The following FHDC1 variants were observed in gnomAD, a reference collection of about 807,000 sequenced individuals.
The protein encoded by FHDC1 is FH2 domain containing 1.
FHDC1 carries 25 observed loss-of-function variants against 52.6 expected under a neutral mutation model. The ratio of observed to expected loss-of-function variants is 0.48; its 90% CI spans 0.35 to 0.66. The LOEUF is 0.66. Among genes scored for constraint, FHDC1 ranks in the 30% least tolerant of loss-of-function variants. The pLI, the probability that FHDC1 is intolerant of heterozygous loss-of-function variation, is 0.01. For synonymous variants in FHDC1, 616 were observed against 581.5 expected (o/e 1.06, Z -0.85); for missense variants, 1,459 against 1,452.8 (o/e 1.00, Z -0.07).
the FHDC1 span, among the ~76,000 whole-genome samples, chr4:152,917,985 T>C: frequency 1.3e-5 from 2 of 152,248 alleles, no homozygotes; most frequent in East Asian, 3.8e-4. Flanking sequence ...ATTTTGTGTG[T>C]GTCTATAAGA....
rs1036663015 is a variant in FHDC1, at chr4:152,974,889, C to T, written c.1598C>T (p.Pro533Leu). The T allele has an allele frequency of 2.5e-6, 4 of 1,607,758 alleles. No homozygotes were observed. The highest frequency in any genetic ancestry group is 2.7e-5 in the African/African-American group (2 of 74,802). Reference sequence around the variant, plus strand: ...AGCCCCTCCAGCCCCTCCTACCGGCCCCCGAACACCCGCCGCTCCCGCCTC... The same window carrying T: ...AGCCCCTCCAGCCCCTCCTACCGGCTCCCGAACACCCGCCGCTCCCGCCTC... The part of the protein sequence containing the change: ...PISPSSPSYR[P>L]PNTRRSRLSL... The change falls in exon 12 of 12, where the codon CCC (proline) becomes CTC (leucine). Residue 533 changes from proline to leucine, a missense_variant. Pro to Leu is a moderately conservative substitution (Grantham distance 98). Around this residue, in one of 3 missense-constraint regions of FHDC1, gnomAD observed 939 missense variants for 854.5 expected, o/e 1.10. Coordinates refer to ENST00000511601, the MANE Select transcript of FHDC1 (RefSeq NM_001371116.1).
Position 152,975,256 on chromosome 4 carries a change from G to A in FHDC1, c.1965G>A (p.Leu655=). The A allele has an allele frequency of 6.2e-7, 1 of 1,613,508 alleles. No individual in the cohort carries two copies. The highest frequency in any genetic ancestry group is 8.5e-7 in the Non-Finnish European group (1 of 1,180,048). ...LRKRYSEPVS[L]GSAQSPPLSP... ...AGAGGTACAGTGAGCCGGTGAGCCTGGGCTCAGCACAGTCCCCTCCTCTCT... is the reference window on the plus strand; with the variant it reads ...AGAGGTACAGTGAGCCGGTGAGCCTAGGCTCAGCACAGTCCCCTCCTCTCT... The change falls in exon 12 of 12, where the codon CTG becomes CTA. Residue 655 remains leucine (L), a synonymous_variant. Transcript: ENST00000511601.
At chr4:152,949,124 T>TAAGAAGAAGAAGAAGAAGAAGAAGAAG (rs201070214) in intron 2 of FHDC1, among the ~76,000 whole-genome samples, 2 of 74,700 alleles carry the variant, frequency 2.7e-5, no homozygotes, top group African/African-American at 5.1e-5. Flanking sequence ...ATAATAATAA[T>TAAGAAGAAGAAGAAGAAGAAGAAGAAG]AAGAAGAAGA....
chr4:152,936,802 C>T (rs993711988), intron 1 of FHDC1, among the ~76,000 whole-genome samples: 6 of 152,256 alleles, frequency 3.9e-5, no homozygotes, highest in African/African-American at 1.4e-4. Context: ...CAACCGCCCC[C>T]TAGTTTATCC....
the FHDC1 span, chr4:152,927,546 A>G: frequency 4.8e-6 from 7 of 1,467,112 alleles, no homozygotes; most frequent in Middle Eastern, 1.8e-4. Context: ...GAATGGGAGA[A>G]AGTTCGAAAA....
rs1433016215 is a variant in FHDC1 at position 152,979,297 on chromosome 4, GACCC to G, written c.*2576_*2579del. 6.6e-6 allele frequency: 1 copy of G among 152,284 alleles called. No homozygotes were observed. Among genetic ancestry groups the G allele is most frequent in the East Asian group, 1.9e-4 (1 of 5,192 alleles). 9.4% of individuals were successfully genotyped at this position (152,284 alleles called of 1,614,324 possible). A position where few individuals can be genotyped will look rare whatever the true frequency, so the allele number is the denominator to read the frequency against. On this transcript the variant is annotated 3_prime_UTR_variant, in exon 12 of 12. Transcript: ENST00000511601. ...AGTCCAAGTCAGGTCAATCAGCAAGGACCCATCTCTGCCCTGGGTCAGCTCCTCA... is the reference window on the plus strand; with the variant it reads ...AGTCCAAGTCAGGTCAATCAGCAAGGATCTCTGCCCTGGGTCAGCTCCTCA...
chr4:152,956,958 C>T (rs546425089), intron 4 of FHDC1, among the ~76,000 whole-genome samples: 65 of 152,260 alleles, frequency 4.3e-4, no homozygotes, highest in African/African-American at 1.5e-3. Flanking sequence ...GAGGGGGTCT[C>T]GGGGAAAGCC....
At chr4:152,974,605 T>C in intron 11 of FHDC1, 70 bp from the exon 12 acceptor site, 3 of 1,484,004 alleles carry the variant, frequency 2.0e-6, no homozygotes, top group Non-Finnish European at 1.8e-6. Context: ...GCTCTTAGCG[T>C]AGGTGGCTCT....
chr4:152,975,434 C>T lies in FHDC1; in HGVS notation c.2143C>T (p.Gln715Ter), dbSNP rs780881615. The change falls in exon 12 of 12, where the codon CAG becomes TAG. Residue 715 changes from glutamine to a stop codon, truncating the protein, a stop_gained. Transcript: ENST00000511601. LOFTEE classifies it low-confidence loss of function (END_TRUNC). Reference protein sequence around the residue: ...ELESVGHRGPQSLSASSSSLT... With the variant: ...ELESVGHRGP ...AGAGTCTGTGGGGCATAGGGGCCCG[C>T]AGTCCCTCAGTGCCAGCAGCAGCAG... is the stretch of plus-strand genomic sequence containing the variant. 2 of 1,613,442 alleles carry T rather than the reference C, an allele frequency of 1.2e-6. No homozygotes were observed. The highest frequency in any genetic ancestry group is 2.2e-5 in the South Asian group (2 of 91,084).
At chr4:152,959,720 T>C (rs1740215824) in intron 4 of FHDC1, among the ~76,000 whole-genome samples, 1 of 152,178 alleles carries the variant, frequency 6.6e-6, no homozygotes. Context: ...TTTCATCTTT[T>C]TCCTGTGTAT....
At chr4:152,964,164 C>G (rs894286237) in intron 8 of FHDC1, among the ~76,000 whole-genome samples, 1 of 152,138 alleles carries the variant, frequency 6.6e-6, no homozygotes, top group African/African-American at 2.4e-5. Context: ...GCTGAAGGAG[C>G]TGACTCCATA....
chr4:152,975,604 C>A lies in FHDC1; in HGVS notation c.2313C>A (p.Phe771Leu). The A allele has an allele frequency of 1.9e-6, 3 of 1,613,618 alleles. No individual in the cohort carries two copies. The highest frequency in any genetic ancestry group is 2.5e-6 in the Non-Finnish European group (3 of 1,180,024). Residue 771 changes from phenylalanine to leucine, a missense_variant, in exon 12 of 12, where the codon TTC (phenylalanine) becomes TTA (leucine). By Grantham distance (22) the Phe-to-Leu change is conservative. Around this residue, in one of 3 missense-constraint regions of FHDC1, gnomAD observed 939 missense variants for 854.5 expected, o/e 1.10. Transcript: ENST00000511601. ...DPENKDPRPL[F>L]CISDTTDCSL... is the part of the protein sequence containing the mutation. ...AGAACAAAGATCCTAGACCTCTGTT[C>A]TGCATCTCGGACACCACCGACTGCT... is the stretch of plus-strand genomic sequence containing the variant.
rs759419098 is a variant in FHDC1, at chr4:152,943,550, G to A, written c.493G>A (p.Glu165Lys). Residue 165 changes from glutamate to lysine, a missense_variant, in exon 2 of 12, where the codon GAA (glutamate) becomes AAA (lysine). By Grantham distance (56) the Glu-to-Lys change is moderately conservative. Around this residue, in one of 3 missense-constraint regions of FHDC1, gnomAD observed 513 missense variants for 581.5 expected, o/e 0.88. Transcript: ENST00000511601. Reference sequence around the variant, plus strand: ...AAATTCATCCTTCAGAGAAGCTCGAGAAGAGGTAAGAATGCAAGGTGGAGG... The same window carrying A: ...AAATTCATCCTTCAGAGAAGCTCGAAAAGAGGTAAGAATGCAAGGTGGAGG... Reference protein sequence around the residue: ...TLNSSFREAREEITILDAKRS... With the variant: ...TLNSSFREARKEITILDAKRS... 2 of 1,610,054 alleles carry A rather than the reference G, an allele frequency of 1.2e-6. No individual in the cohort carries two copies. The highest frequency in any genetic ancestry group is 1.7e-6 in the Non-Finnish European group (2 of 1,178,046).
chr4:152,969,757 C>T (rs923606881), intron 10 of FHDC1, among the ~76,000 whole-genome samples: 4 of 151,554 alleles, frequency 2.6e-5, no homozygotes, highest in African/African-American at 7.3e-5. Context: ...GCAACCTCCA[C>T]CTCCTGGGTT....
intron 9 of FHDC1, among the ~76,000 whole-genome samples, chr4:152,966,987 G>A (rs1438474109): frequency 6.6e-6 from 1 of 152,138 alleles, no homozygotes; most frequent in Non-Finnish European, 1.5e-5. Context: ...GGGTGTGGTG[G>A]CGCACACCTG....
At chr4:152,927,458 G>T in the FHDC1 span, 1,222 of 814,386 alleles carry the variant, frequency 1.5e-3, 10 homozygotes, top group African/African-American at 0.018. Context: ...GGATGGAGGG[G>T]ATGATGGTAA....
At chr4:152,957,586 T>C (rs1740138265) in intron 4 of FHDC1, among the ~76,000 whole-genome samples, 1 of 152,256 alleles carries the variant, frequency 6.6e-6, no homozygotes, top group South Asian at 2.1e-4. Flanking sequence ...CGCCTCGCGC[T>C]GCTGGCCTGC....
Position 152,963,084 on chromosome 4 carries a change from C to CA in FHDC1, c.987dup (p.Ala330SerfsTer38). 6.2e-7 allele frequency: 1 copy of CA among 1,613,950 alleles called. No individual in the cohort carries two copies. Among genetic ancestry groups the CA allele is most frequent in the Non-Finnish European group, 8.5e-7 (1 of 1,180,000 alleles). ...TCTTCTTTGCTCAAATTGGCAGACACAAAAGCAAACAAACCTGGGATGAAT... is the reference window on the plus strand; with the variant it reads ...TCTTCTTTGCTCAAATTGGCAGACACAAAAAGCAAACAAACCTGGGATGAAT... On this transcript the variant is annotated frameshift_variant, in exon 8 of 12. Coordinates refer to ENST00000511601, the MANE Select transcript of FHDC1 (RefSeq NM_001371116.1). LOFTEE classifies it high-confidence loss of function.
At position 152,975,217 on chromosome 4, in the gene FHDC1, C is replaced by T. The variant is rs750605069; in HGVS notation, c.1926C>T (p.Val642=). The T allele has an allele frequency of 6.8e-6, 11 of 1,613,206 alleles. No individual in the cohort carries two copies. Among genetic ancestry groups the T allele is most frequent in the Non-Finnish European group, 9.3e-6 (11 of 1,180,030 alleles). The change falls in exon 12 of 12, where the codon GTC becomes GTT. Residue 642 remains valine (V), a synonymous_variant. Coordinates refer to ENST00000511601, the MANE Select transcript of FHDC1 (RefSeq NM_001371116.1). The part of the protein sequence containing the change: ...SAFPRARRQG[V]SVLRKRYSEP... ...TCCCCAGAGCTCGGCGCCAGGGCGT[C>T]AGTGTCCTCCGAAAGAGGTACAGTG...
Sources: allele counts gnomAD v4.1 joint callset (sites outside exome capture counted in the v4.1 genomes callset), GRCh38; gene constraint gnomAD v4.1.1; regional missense constraint gnomAD v4.1.1; transcripts MANE v1.5; gene names NCBI Gene and HGNC (gene_info 2026-07-23, HGNC 2026-07-21).